Variants in RPS6KC1 observed in about 807,000 individuals in gnomAD.
RPS6KC1 encodes the protein ribosomal protein S6 kinase C1.
Under a neutral mutation model 103.8 loss-of-function variants are expected in RPS6KC1, and 54 were observed. The ratio of observed to expected loss-of-function variants is 0.52; its 90% CI spans 0.42 to 0.65. The LOEUF (loss-of-function observed/expected upper bound fraction) is 0.65. RPS6KC1 is among the 30% of genes least tolerant of loss of function. The pLI is 0.00. For missense variants in RPS6KC1, 1,151 were observed against 1,253.8 expected (o/e 0.92, Z 1.24); for synonymous variants, 439 against 438.7 (o/e 1.00, Z -0.01).
the RPS6KC1 span, among the ~76,000 whole-genome samples, chr1:213,370,801 C>T: frequency 3.4e-3 from 517 of 152,212 alleles, 3 homozygotes; most frequent in African/African-American, 0.012. Context: ...TCTAGATGGG[C>T]CCTCTTCTAA....
At chr1:213,830,512 G>A in the RPS6KC1 span, among the ~76,000 whole-genome samples, 1 of 151,990 alleles carries the variant, frequency 6.6e-6, no homozygotes, top group East Asian at 1.9e-4. Flanking sequence ...GCCCTTCATT[G>A]CTAATCCCGG....
At chr1:213,177,451 G>A (rs2091946669) in intron 8 of RPS6KC1, among the ~76,000 whole-genome samples, 1 of 152,050 alleles carries the variant, frequency 6.6e-6, no homozygotes, top group Non-Finnish European at 1.5e-5. Flanking sequence ...CTAAAATTGA[G>A]CAATATGTAG....
the RPS6KC1 span, among the ~76,000 whole-genome samples, chr1:213,317,229 C>T: frequency 2.6e-5 from 4 of 152,124 alleles, no homozygotes; most frequent in South Asian, 4.1e-4. Flanking sequence ...CATTGCTTGC[C>T]TTTTTCTCCT....
chr1:213,706,753 A>G, the RPS6KC1 span, among the ~76,000 whole-genome samples: 3 of 151,550 alleles, frequency 2.0e-5, no homozygotes, highest in Non-Finnish European at 4.4e-5. Context: ...CTGTGCCCAT[A>G]TGTTCTCATT....
intron 4 of RPS6KC1, among the ~76,000 whole-genome samples, chr1:213,106,898 A>G (rs1186418236): frequency 6.6e-6 from 1 of 152,084 alleles, no homozygotes; most frequent in Non-Finnish European, 1.5e-5. Context: ...CAGTAAATTT[A>G]TAGAGTTTTG....
At chr1:213,618,166 GA>G in the RPS6KC1 span, among the ~76,000 whole-genome samples, 65 of 152,104 alleles carry the variant, frequency 4.3e-4, 1 homozygote, top group Admixed American at 3.5e-3. Flanking sequence ...TTCTTTATTT[GA>G]AATGGATTAT....
At chr1:213,603,548 T>C in the RPS6KC1 span, among the ~76,000 whole-genome samples, 3 of 151,916 alleles carry the variant, frequency 2.0e-5, no homozygotes, top group Non-Finnish European at 4.4e-5. Context: ...CTTCGAATGA[T>C]TGATTTTTTT....
the RPS6KC1 span, among the ~76,000 whole-genome samples, chr1:213,551,514 A>G: frequency 6.6e-5 from 10 of 152,166 alleles, no homozygotes; most frequent in East Asian, 1.9e-3. Context: ...TGTGTTCTAC[A>G]CTTCTTAAGT....
chr1:213,351,888 G>A, the RPS6KC1 span, among the ~76,000 whole-genome samples: 1 of 152,136 alleles, frequency 6.6e-6, no homozygotes, highest in African/African-American at 2.4e-5. Context: ...TGAACCAAAT[G>A]TATATACAGG....
At chr1:213,685,084 G>T in the RPS6KC1 span, among the ~76,000 whole-genome samples, 1 of 152,148 alleles carries the variant, frequency 6.6e-6, no homozygotes, top group Admixed American at 6.5e-5. Flanking sequence ...TCTTCTCCTT[G>T]TATGGTCTGC....
intron 8 of RPS6KC1, among the ~76,000 whole-genome samples, chr1:213,223,867 G>A (rs1284463628): frequency 6.6e-6 from 1 of 152,162 alleles, no homozygotes; most frequent in East Asian, 1.9e-4. Flanking sequence ...GGAGTCCCAT[G>A]AAGTAACTGG....
the RPS6KC1 span, among the ~76,000 whole-genome samples, chr1:213,646,871 A>G: frequency 4.0e-5 from 5 of 125,550 alleles, no homozygotes; most frequent in South Asian, 5.3e-4. Flanking sequence ...TTATATATAT[A>G]TGTGTGTATG....
At chr1:213,796,549 A>G in the RPS6KC1 span, among the ~76,000 whole-genome samples, 1 of 152,306 alleles carries the variant, frequency 6.6e-6, no homozygotes, top group East Asian at 1.9e-4. Context: ...TGAAATATTC[A>G]TAGCAAAAGG....
chr1:213,856,103 C>A, the RPS6KC1 span, among the ~76,000 whole-genome samples: 3 of 152,184 alleles, frequency 2.0e-5, no homozygotes, highest in Non-Finnish European at 4.4e-5. Context: ...TCCCTTGGGG[C>A]CTGGAGTGGA....
chr1:213,415,775 C>T, the RPS6KC1 span, among the ~76,000 whole-genome samples: 3 of 152,146 alleles, frequency 2.0e-5, no homozygotes, highest in Admixed American at 6.5e-5. Flanking sequence ...TGTGGAGCCT[C>T]GGGCTTCAGG....
chr1:213,576,841 C>T, the RPS6KC1 span, among the ~76,000 whole-genome samples: 47 of 152,252 alleles, frequency 3.1e-4, no homozygotes, highest in South Asian at 9.8e-3. Context: ...GCCTCTTGAG[C>T]CAAACAGTTA....
chr1:213,317,007 C>T, the RPS6KC1 span, among the ~76,000 whole-genome samples: 284 of 151,916 alleles, frequency 1.9e-3, 1 homozygote, highest in African/African-American at 6.3e-3. Context: ...TTATAGGAGC[C>T]GTAATAGATT....
At chr1:213,752,097 G>A in the RPS6KC1 span, among the ~76,000 whole-genome samples, 16 of 152,226 alleles carry the variant, frequency 1.1e-4, no homozygotes, top group South Asian at 2.1e-4. Context: ...ATTCATAGTA[G>A]CATTAGATTA....
At chr1:213,782,824 A>G in the RPS6KC1 span, among the ~76,000 whole-genome samples, 1 of 152,172 alleles carries the variant, frequency 6.6e-6, no homozygotes, top group African/African-American at 2.4e-5. Context: ...GAACATAAAT[A>G]AGGGTAAGGC....
Sources: gnomAD v4.1 joint callset for allele counts (sites outside exome capture counted in the v4.1 genomes callset) on GRCh38, gnomAD v4.1.1 for gene constraint, MANE v1.5 for transcripts, NCBI Gene and HGNC (gene_info 2026-07-23, HGNC 2026-07-21) for gene names.